SPATA17: variants seen among roughly 807,000 people sequenced by gnomAD.
The protein encoded by SPATA17 is spermatogenesis associated 17.
SPATA17 carries 53 observed loss-of-function variants against 62.2 expected under a neutral mutation model. The observed-to-expected ratio is 0.85, with a 90% confidence interval of 0.68 to 1.07. The LOEUF (loss-of-function observed/expected upper bound fraction) is 1.07. Among genes scored for constraint, SPATA17 ranks in the 50% least tolerant of loss-of-function variants. The pLI, the probability that SPATA17 is intolerant of heterozygous loss-of-function variation, is 0.00. For synonymous variants in SPATA17, 146 were observed against 146.8 expected, an observed-to-expected ratio of 0.99 and a Z score of 0.04; for missense variants, 466 against 425.5, an observed-to-expected ratio of 1.10 and a Z score of -0.84.
chr1:217,663,960 T>G (rs1170071564), intron 3 of SPATA17, among the ~76,000 whole-genome samples: 1 of 151,936 alleles, frequency 6.6e-6, no homozygotes, highest in Non-Finnish European at 1.5e-5. Context: ...GAAGAAGGAT[T>G]TTAAAACTGA....
At chr1:217,771,524 G>A (rs1275060693) in intron 6 of SPATA17, among the ~76,000 whole-genome samples, 1 of 152,086 alleles carries the variant, frequency 6.6e-6, no homozygotes. Flanking sequence ...GAAATAATAA[G>A]TAAATGAATA....
chr1:217,793,623 A>G (rs988475203), intron 8 of SPATA17, among the ~76,000 whole-genome samples: 2 of 152,206 alleles, frequency 1.3e-5, no homozygotes, highest in Non-Finnish European at 2.9e-5. Flanking sequence ...TTCAGTAGGC[A>G]TATATATTTG....
chr1:217,690,478 T>TC, intron 5 of SPATA17, among the ~76,000 whole-genome samples: 1 of 82,764 alleles, frequency 1.2e-5, no homozygotes, highest in South Asian at 2.8e-4. Flanking sequence ...TTTTTATTTT[T>TC]TTTTTTTTTA....
chr1:217,712,239 G>C (rs1671890766), intron 5 of SPATA17, among the ~76,000 whole-genome samples: 1 of 149,720 alleles, frequency 6.7e-6, no homozygotes, highest in South Asian at 2.1e-4. Flanking sequence ...TGATTCTCCT[G>C]CCTCAGCCTC....
At chr1:217,726,598 G>T (rs182837202) in intron 5 of SPATA17, among the ~76,000 whole-genome samples, 88 of 152,218 alleles carry the variant, frequency 5.8e-4, no homozygotes, top group African/African-American at 2.1e-3. Context: ...AAATTAAATT[G>T]AACCTGGCAG....
At chr1:217,851,552 ATAAT>A (rs1324441034) in intron 9 of SPATA17, among the ~76,000 whole-genome samples, 1 of 152,190 alleles carries the variant, frequency 6.6e-6, no homozygotes, top group African/African-American at 2.4e-5. Context: ...AAAATTAAGC[ATAAT>A]TAAAGTGAAA....
chr1:217,796,952 C>T (rs753409324), intron 8 of SPATA17, among the ~76,000 whole-genome samples: 1 of 152,156 alleles, frequency 6.6e-6, no homozygotes, highest in Non-Finnish European at 1.5e-5. Context: ...AAATATTCAA[C>T]AACTTATGGC....
intron 1 of SPATA17, among the ~76,000 whole-genome samples, chr1:217,635,530 C>G (rs1253927624): frequency 6.6e-6 from 1 of 151,934 alleles, no homozygotes; most frequent in Admixed American, 6.6e-5. Context: ...ATGGCAAAAC[C>G]CTGTCGCTAC....
intron 2 of SPATA17, among the ~76,000 whole-genome samples, 168 bp downstream of exon 2, chr1:217,649,139 C>T (rs1670252295): frequency 6.6e-6 from 1 of 151,938 alleles, no homozygotes; most frequent in African/African-American, 2.4e-5. Context: ...TATTTCTGAT[C>T]TTTTCTTACC....
rs1670246643 is a variant in SPATA17, at chr1:217,648,909, G to A, written c.96G>A (p.Glu32=). ...TTGTAGATCCATTTAGAAAAAAGGAGAATGATGCAGCAGTTAAAATCCAAA... is the reference window on the plus strand; with the variant it reads ...TTGTAGATCCATTTAGAAAAAAGGAAAATGATGCAGCAGTTAAAATCCAAA... ...NSVVDPFRKK[E]NDAAVKIQSW... is the part of the protein sequence containing the mutation. Residue 32 remains glutamate (E), a synonymous_variant, in exon 2 of 11, where the codon GAG becomes GAA. Coordinates refer to ENST00000366933, the MANE Select transcript of SPATA17 (RefSeq NM_138796.4). 1 of 1,609,038 alleles carries A rather than the reference G, an allele frequency of 6.2e-7. No individual in the cohort carries two copies. Among genetic ancestry groups the A allele is most frequent in the Non-Finnish European group, 8.5e-7 (1 of 1,177,872 alleles).
chr1:217,826,201 C>T (rs1251301940), intron 9 of SPATA17, among the ~76,000 whole-genome samples: 1 of 152,112 alleles, frequency 6.6e-6, no homozygotes, highest in Non-Finnish European at 1.5e-5. Flanking sequence ...CCTGTGTCCT[C>T]ACATGGCCTC....
At chr1:217,650,903 T>C (rs1400268800) in intron 2 of SPATA17, among the ~76,000 whole-genome samples, 194 bp from the exon 3 acceptor site, 1 of 152,166 alleles carries the variant, frequency 6.6e-6, no homozygotes, top group African/African-American at 2.4e-5. Flanking sequence ...AAATAACAAA[T>C]AGTTACCAAT....
intron 1 of SPATA17, among the ~76,000 whole-genome samples, chr1:217,633,860 AAGTGTTTAGGTTAGTATCT>A (rs1445355771): frequency 6.6e-6 from 1 of 152,146 alleles, no homozygotes; most frequent in Admixed American, 6.5e-5. Context: ...ATACATTCCT[AAGTGTTTAGGTTAGTATCT>A]GAGTCCTGTG....
chr1:217,851,125 A>C (rs998169268), intron 9 of SPATA17, among the ~76,000 whole-genome samples: 1 of 152,126 alleles, frequency 6.6e-6, no homozygotes, highest in Admixed American at 6.6e-5. Flanking sequence ...TACTTCTGTT[A>C]CTAGTGAATA....
chr1:217,733,027 A>C (rs1002668622), intron 5 of SPATA17, among the ~76,000 whole-genome samples: 11 of 152,102 alleles, frequency 7.2e-5, no homozygotes, highest in Non-Finnish European at 1.6e-4. Context: ...AAAAAAAATG[A>C]TTTTCATGAA....
intron 9 of SPATA17, among the ~76,000 whole-genome samples, chr1:217,816,543 G>A (rs906243259): frequency 1.3e-5 from 2 of 151,296 alleles, no homozygotes; most frequent in Admixed American, 6.6e-5. Flanking sequence ...CTAACACATA[G>A]CATAATGAAA....
chr1:217,767,783 C>G (rs1299726519), intron 6 of SPATA17, among the ~76,000 whole-genome samples: 2 of 152,158 alleles, frequency 1.3e-5, no homozygotes, highest in East Asian at 3.9e-4. Flanking sequence ...GCATATTAAT[C>G]TTAGTCATGG....
chr1:217,853,908 T>C (rs1311985777), intron 9 of SPATA17, among the ~76,000 whole-genome samples: 1 of 152,108 alleles, frequency 6.6e-6, no homozygotes, highest in African/African-American at 2.4e-5. Flanking sequence ...TTAGGGTTAT[T>C]AAAAGAAAAA....
intron 6 of SPATA17, among the ~76,000 whole-genome samples, chr1:217,759,177 A>G (rs1375255601): frequency 6.6e-6 from 1 of 152,116 alleles, no homozygotes; most frequent in Non-Finnish European, 1.5e-5. Flanking sequence ...AAGTAGATGA[A>G]GCTGGGCATG....
Sources: gnomAD v4.1 joint callset for allele counts (sites outside exome capture counted in the v4.1 genomes callset) on GRCh38, gnomAD v4.1.1 for gene constraint, MANE v1.5 for transcripts, NCBI Gene and HGNC (gene_info 2026-07-23, HGNC 2026-07-21) for gene names.